The following SIRPA variants were observed in gnomAD, a reference collection of about 807,000 sequenced individuals.
The protein encoded by SIRPA is signal regulatory protein alpha, also known as tyrosine-protein phosphatase non-receptor type substrate 1.
A neutral mutation model predicts 50.3 loss-of-function variants in SIRPA; 9 were observed. The observed-to-expected ratio is 0.18, with a 90% CI of 0.11 to 0.31. The LOEUF is 0.31. SIRPA is among the 10% of genes least tolerant of loss of function. The pLI is 1.00. For missense variants in SIRPA, 474 were observed against 661.6 expected (o/e 0.72, Z 3.11); for synonymous variants, 265 against 284.1 (o/e 0.93, Z 0.68).
chr20:1,897,677 GGCAGAACTGTCA>G (rs1200046342), intron 1 of SIRPA, among the ~76,000 whole-genome samples: 1 of 152,114 alleles, frequency 6.6e-6, no homozygotes, highest in Non-Finnish European at 1.5e-5. Context: ...TAGTGTCTCA[GGCAGAACTGTCA>G]GCCTGGGAGG....
chr20:1,925,090 C>T (rs987602045), intron 5 of SIRPA, among the ~76,000 whole-genome samples: 1 of 152,168 alleles, frequency 6.6e-6, no homozygotes, highest in African/African-American at 2.4e-5. Context: ...AGATGTTCAT[C>T]ACTGCCCCAG....
chr20:1,918,035 T>C (rs1237607388), intron 2 of SIRPA, among the ~76,000 whole-genome samples: 2 of 152,174 alleles, frequency 1.3e-5, no homozygotes, highest in Admixed American at 1.3e-4. Context: ...ACATGAGGGA[T>C]GAGGAGACAG....
rs75580168 is a variant in SIRPA, at chr20:1,925,403, C to A, written c.1201+526C>A. Reference sequence around the variant, plus strand: ...AATGTATGTCAGCCCTGATTATTACCCGTATTGTATGTGAGCCCAGAAATA... The same window carrying A: ...AATGTATGTCAGCCCTGATTATTACACGTATTGTATGTGAGCCCAGAAATA... On this transcript the variant is annotated intron_variant, in intron 5 of 7. Coordinates refer to ENST00000358771, the MANE Select transcript of SIRPA (RefSeq NM_001040023.2). Among the ~76,000 whole-genome samples the A allele has an allele frequency of 3.0e-3, 460 of 152,336 alleles. 2 individuals are homozygous for A. Among genetic ancestry groups the A allele is most frequent in the African/African-American group, 0.011 (438 of 41,576 alleles).
intron 6 of SIRPA, among the ~76,000 whole-genome samples, chr20:1,929,980 G>C (rs1986207281): frequency 6.6e-6 from 1 of 151,924 alleles, no homozygotes; most frequent in Non-Finnish European, 1.5e-5. Flanking sequence ...ACCACACTGT[G>C]CTCCCCCCTT....
At chr20:1,922,759 A>C in intron 4 of SIRPA, 114 bp downstream of exon 4, 1 of 1,256,696 alleles carries the variant, frequency 8.0e-7, no homozygotes. Context: ...AAGTCTATAA[A>C]TATAAAGTAG....
intron 4 of SIRPA, among the ~76,000 whole-genome samples, chr20:1,922,888 G>A (rs1028354285): frequency 3.3e-5 from 5 of 152,156 alleles, no homozygotes; most frequent in Admixed American, 6.5e-5. Flanking sequence ...GAGGAAAGAG[G>A]GAGAGAGGGG....
chr20:1,899,459 G>A (rs1184408341), intron 1 of SIRPA, among the ~76,000 whole-genome samples: 3 of 152,162 alleles, frequency 2.0e-5, no homozygotes, highest in East Asian at 1.9e-4. Context: ...ACTTATGAAC[G>A]AGAGGCATTT....
chr20:1,895,189 C>T (rs1296413450), upstream of SIRPA: 5 of 360,958 alleles, frequency 1.4e-5, no homozygotes, highest in Admixed American at 2.0e-4. Flanking sequence ...TCTCTCTGGC[C>T]GCCCCTGGCT....
intron 1 of SIRPA, among the ~76,000 whole-genome samples, chr20:1,911,809 C>G (rs543635696): frequency 1.3e-5 from 2 of 152,174 alleles, no homozygotes; most frequent in Admixed American, 1.3e-4. Context: ...CCTGGACAGT[C>G]GCATCCTCTG....
chr20:1,906,709 GGT>G (rs2123029126), intron 1 of SIRPA, among the ~76,000 whole-genome samples: 1 of 152,274 alleles, frequency 6.6e-6, no homozygotes, highest in South Asian at 2.1e-4. Flanking sequence ...ACCTGACTTA[GGT>G]TTTAGAGGCT....
At chr20:1,922,697 G>A in intron 4 of SIRPA, 52 bp downstream of exon 4, 1 of 1,525,624 alleles carries the variant, frequency 6.6e-7, no homozygotes. Context: ...TAGTTTTGTG[G>A]GTTTTTTAAA....
intron 2 of SIRPA, among the ~76,000 whole-genome samples, chr20:1,918,135 C>T (rs1236838356): frequency 6.6e-6 from 1 of 152,128 alleles, no homozygotes; most frequent in African/African-American, 2.4e-5. Context: ...ATTTGAGTTC[C>T]TGTGTATAAA....
chr20:1,936,578 C>G lies in SIRPA; in HGVS notation c.1267-742C>G, dbSNP rs1986587678. On this transcript the variant is annotated intron_variant, in intron 7 of 7. Transcript: ENST00000358771. The surrounding 1 kb of genome is among the most constrained non-coding windows in gnomAD (Gnocchi z 4.2). ...TGGCGATCTCGTTCTTATACTGCCC[C>G]TGTTCTCTGTCTCCCTGTCCCCAGC... Among the ~76,000 whole-genome samples, 1 of 152,208 alleles carries G rather than the reference C, an allele frequency of 6.6e-6. No individual in the cohort carries two copies. The highest frequency in any genetic ancestry group is 1.5e-5 in the Non-Finnish European group (1 of 68,034).
intron 7 of SIRPA, among the ~76,000 whole-genome samples, chr20:1,935,600 T>C (rs528468391): frequency 1.8e-4 from 28 of 152,342 alleles, no homozygotes; most frequent in African/African-American, 5.5e-4. Context: ...GAAAAAACAA[T>C]TTCCAGTCAT....
At chr20:1,906,028 C>G (rs1005194020) in intron 1 of SIRPA, among the ~76,000 whole-genome samples, 2 of 152,214 alleles carry the variant, frequency 1.3e-5, no homozygotes, top group Non-Finnish European at 2.9e-5. Flanking sequence ...TCTGTCGCCC[C>G]CTTCATCTTT....
At chr20:1,923,092 C>G (rs780570704) in intron 4 of SIRPA, among the ~76,000 whole-genome samples, 23 of 152,212 alleles carry the variant, frequency 1.5e-4, no homozygotes, top group Non-Finnish European at 2.4e-4. Flanking sequence ...GTCTCACATA[C>G]AGTCAGTGCT....
rs1986756040 is a variant in SIRPA at position 1,939,171 on chromosome 20, T to A, written c.*1603T>A. 1 of 152,216 alleles carries A rather than the reference T, an allele frequency of 6.6e-6. No individual in the cohort carries two copies. The highest frequency in any genetic ancestry group is 2.4e-5 in the African/African-American group (1 of 41,438). The allele number at this position is 152,216 out of a possible 1,614,324, so 9.4% of individuals were successfully genotyped here. ...GGCAAGCAGATGTCGCAAGCCCTAT[T>A]TATTCAGTCTTCACTATAACTCTTA... On this transcript the variant is annotated 3_prime_UTR_variant, in exon 8 of 8. Coordinates refer to ENST00000358771, the MANE Select transcript of SIRPA (RefSeq NM_001040023.2). The surrounding 1 kb of genome is among the most constrained non-coding windows in gnomAD (Gnocchi z 4.7).
At chr20:1,912,135 G>T (rs1397561373) in intron 1 of SIRPA, among the ~76,000 whole-genome samples, 1 of 152,152 alleles carries the variant, frequency 6.6e-6, no homozygotes, top group African/African-American at 2.4e-5. Flanking sequence ...AAAAAATGGG[G>T]GAGCCAGCGC....
chr20:1,895,326 G>C (rs958246804), upstream of SIRPA: 17 of 590,084 alleles, frequency 2.9e-5, no homozygotes, highest in African/African-American at 2.8e-4. Context: ...TTCCGGAGTC[G>C]GGGGGAGGCC....
Sources: gnomAD v4.1 joint callset for allele counts (sites outside exome capture counted in the v4.1 genomes callset) on GRCh38, gnomAD v4.1.1 for gene constraint, Gnocchi (gnomAD v3.1) non-coding constraint, MANE v1.5 for transcripts, NCBI Gene and HGNC (gene_info 2026-07-23, HGNC 2026-07-21) for gene names.